The following GMDS variants were observed in gnomAD, a reference collection of about 807,000 sequenced individuals.
GMDS encodes GDP-mannose 4,6 dehydratase.
In GMDS, 20 loss-of-function variants were observed where a neutral mutation model predicts 49.9. That is an observed-to-expected ratio of 0.40 (90% confidence interval 0.28 to 0.58). GMDS has a LOEUF of 0.58. Among genes scored for constraint, GMDS ranks in the 20% least tolerant of loss-of-function variants. GMDS has a pLI of 0.42. For synonymous variants in GMDS, 177 were observed against 178.6 expected, an observed-to-expected ratio of 0.99 and a Z score of 0.07; for missense variants, 362 against 481.4, an observed-to-expected ratio of 0.75 and a Z score of 2.32.
chr6:1,913,368 G>A (rs943030294), intron 7 of GMDS, among the ~76,000 whole-genome samples: 22 of 134,622 alleles, frequency 1.6e-4, no homozygotes, highest in African/African-American at 4.0e-4. Context: ...GCGACAGAGC[G>A]AGACTCCGTC....
At chr6:1,630,508 G>C (rs1762966029) in intron 9 of GMDS, among the ~76,000 whole-genome samples, 1 of 152,214 alleles carries the variant, frequency 6.6e-6, no homozygotes, top group African/African-American at 2.4e-5. Flanking sequence ...GTGCAACTTT[G>C]AGGCCTTCCC....
chr6:2,196,666 C>G (rs1779287603), intron 1 of GMDS, among the ~76,000 whole-genome samples: 2 of 152,102 alleles, frequency 1.3e-5, no homozygotes, highest in Admixed American at 1.3e-4. Context: ...AGGTTGCTGT[C>G]TTAACTGTCA....
At chr6:2,234,070 T>C (rs1489187289) in intron 1 of GMDS, among the ~76,000 whole-genome samples, 1 of 152,178 alleles carries the variant, frequency 6.6e-6, no homozygotes, top group Non-Finnish European at 1.5e-5. Context: ...CTTGTCCTCA[T>C]GGATTTACAC....
rs181059333 is a variant in GMDS at position 1,676,570 on chromosome 6, G to T, written c.987+49846C>A. Among the ~76,000 whole-genome samples, 548 of 152,244 alleles carry T rather than the reference G, an allele frequency of 3.6e-3. 1 individual carries two copies. The highest frequency in any genetic ancestry group is 6.3e-3 in the Non-Finnish European group (427 of 68,022). On this transcript the variant is annotated intron_variant, in intron 9 of 10. Coordinates refer to ENST00000380815, the MANE Select transcript of GMDS (RefSeq NM_001500.4). ...ACAGTAACCAAAACAGCATGCTACT[G>T]GTACCAAAACAGAGATATAGACCAA... is the stretch of plus-strand genomic sequence containing the variant.
At chr6:1,756,479 T>TCC (rs1767950485) in intron 7 of GMDS, among the ~76,000 whole-genome samples, 1 of 152,080 alleles carries the variant, frequency 6.6e-6, no homozygotes, top group Non-Finnish European at 1.5e-5. Context: ...ACCATGTTGG[T>TCC]CAGGCTGGTC....
intron 7 of GMDS, among the ~76,000 whole-genome samples, chr6:1,915,466 C>T (rs1352301527): frequency 2.6e-5 from 4 of 152,232 alleles, no homozygotes; most frequent in African/African-American, 7.2e-5. Context: ...CGGCACGGTG[C>T]AGGGCCAGCA....
chr6:1,628,806 A>G (rs1266579313), intron 9 of GMDS, among the ~76,000 whole-genome samples: 1 of 152,232 alleles, frequency 6.6e-6, no homozygotes, highest in East Asian at 1.9e-4. Flanking sequence ...CCTTGGCGAA[A>G]TATCTTCAGG....
At chr6:1,898,418 C>T (rs964981763) in intron 7 of GMDS, among the ~76,000 whole-genome samples, 1 of 152,182 alleles carries the variant, frequency 6.6e-6, no homozygotes, top group African/African-American at 2.4e-5. Flanking sequence ...AGCTCTGGTG[C>T]CAGTATGTTT....
intron 4 of GMDS, among the ~76,000 whole-genome samples, chr6:1,973,347 T>C (rs191136236): frequency 8.5e-5 from 13 of 152,332 alleles, no homozygotes; most frequent in Admixed American, 2.6e-4. Flanking sequence ...CTGAGTTATT[T>C]TGATCATATA....
At chr6:1,885,667 T>C (rs1055728876) in intron 7 of GMDS, among the ~76,000 whole-genome samples, 3 of 152,242 alleles carry the variant, frequency 2.0e-5, no homozygotes, top group South Asian at 2.1e-4. Context: ...TGTCAGTCTG[T>C]GGGCTGCCCG....
At chr6:1,847,959 C>A (rs1757487691) in intron 7 of GMDS, among the ~76,000 whole-genome samples, 1 of 151,956 alleles carries the variant, frequency 6.6e-6, no homozygotes, top group South Asian at 2.1e-4. Context: ...TATAAGACAC[C>A]CTGGGAGTGT....
At chr6:1,777,984 T>C (rs1425092072) in intron 7 of GMDS, among the ~76,000 whole-genome samples, 1 of 152,004 alleles carries the variant, frequency 6.6e-6, no homozygotes, top group Non-Finnish European at 1.5e-5. Flanking sequence ...TAAACACAGC[T>C]AACAGATGGA....
intron 7 of GMDS, among the ~76,000 whole-genome samples, chr6:1,817,066 G>A (rs2113693863): frequency 6.8e-6 from 1 of 148,104 alleles, no homozygotes; most frequent in Non-Finnish European, 1.5e-5. Flanking sequence ...TGACTAGATA[G>A]AAGCTGGTAT....
chr6:1,786,089 G>A (rs189713917), intron 7 of GMDS, among the ~76,000 whole-genome samples: 15 of 152,316 alleles, frequency 9.8e-5, no homozygotes, highest in African/African-American at 2.9e-4. Context: ...TTCCAGTGCC[G>A]TCCGAGAATT....
intron 6 of GMDS, among the ~76,000 whole-genome samples, chr6:1,954,442 T>G: frequency 6.6e-6 from 1 of 152,260 alleles, no homozygotes; most frequent in East Asian, 1.9e-4. Context: ...CAGGAAAGAT[T>G]TCTCTGTAGC....
intron 4 of GMDS, among the ~76,000 whole-genome samples, chr6:1,986,387 C>T (rs1581466949): frequency 6.6e-6 from 1 of 152,164 alleles, no homozygotes; most frequent in African/African-American, 2.4e-5. Flanking sequence ...AGGGAAAAAA[C>T]TGATAAGGCT....
rs1020899000 is a variant in GMDS at position 1,836,807 on chromosome 6, C to A, written c.771+93296G>T. Among the ~76,000 whole-genome samples the A allele has an allele frequency of 6.6e-6, 1 of 152,188 alleles. No homozygotes were observed. Among genetic ancestry groups the A allele is most frequent in the African/African-American group, 2.4e-5 (1 of 41,434 alleles). ...TAGAGGACACCTGAATTACATAAAT[C>A]TCTATCACAAAGTTACAATTTCTGT... On this transcript the variant is annotated intron_variant, in intron 7 of 10. Transcript: ENST00000380815. This position sits in a 1 kb window ranked among gnomAD's most constrained non-coding sequence, Gnocchi z 4.2.
intron 2 of GMDS, among the ~76,000 whole-genome samples, chr6:2,122,581 A>G (rs1775199937): frequency 6.6e-6 from 1 of 152,178 alleles, no homozygotes; most frequent in Non-Finnish European, 1.5e-5. Flanking sequence ...TTACTCTAAC[A>G]TTTACTTTGA....
At chr6:1,934,569 G>A (rs1207239173) in intron 6 of GMDS, among the ~76,000 whole-genome samples, 1 of 151,936 alleles carries the variant, frequency 6.6e-6, no homozygotes, top group East Asian at 1.9e-4. Context: ...ATGTTTAATA[G>A]TTTTCAGAGA....
Sources: gnomAD v4.1 joint callset for allele counts (sites outside exome capture counted in the v4.1 genomes callset) on GRCh38, gnomAD v4.1.1 for gene constraint, Gnocchi (gnomAD v3.1) non-coding constraint, MANE v1.5 for transcripts, NCBI Gene and HGNC (gene_info 2026-07-23, HGNC 2026-07-21) for gene names.